The following LIPA variants were observed in gnomAD, a reference collection of about 807,000 sequenced individuals.
LIPA encodes the protein lysosomal acid lipase/cholesteryl ester hydrolase.
In LIPA, 26 loss-of-function variants were observed where a neutral mutation model predicts 40.6. The ratio of observed to expected loss-of-function variants is 0.64; its 90% CI spans 0.47 to 0.89. LIPA has a LOEUF of 0.89. Ranked by LOEUF, LIPA falls within the 40% of genes least tolerant of loss-of-function variation. The pLI is 0.00. For missense variants in LIPA, 455 were observed against 479.6 expected (o/e 0.95, Z 0.48); for synonymous variants, 188 against 168.4 (o/e 1.12, Z -0.90).
chr10:89,318,163 G>A (rs878931086), intron 1 of LIPA, among the ~76,000 whole-genome samples: 2 of 152,156 alleles, frequency 1.3e-5, no homozygotes, highest in Admixed American at 6.5e-5. Flanking sequence ...ATCAGCTAAC[G>A]AGCAAAATAA....
chr10:89,402,241 T>C (rs1844436536), intron 2 of LIPA: 12 of 1,347,184 alleles, frequency 8.9e-6, no homozygotes, highest in Non-Finnish European at 1.1e-5. Context: ...CTTTTAGCTG[T>C]TCCTCACCTA....
At chr10:89,300,785 G>A (rs1370116931) in intron 1 of LIPA, among the ~76,000 whole-genome samples, 3 of 152,090 alleles carry the variant, frequency 2.0e-5, no homozygotes, top group Admixed American at 6.6e-5. Context: ...TCAGGAGTTC[G>A]AGACCAGCCT....
At chr10:89,321,074 G>A (rs552096154) in intron 1 of LIPA, among the ~76,000 whole-genome samples, 5,582 of 151,410 alleles carry the variant, frequency 0.037, 274 homozygotes, top group African/African-American at 0.13. Flanking sequence ...AATTCAAGAT[G>A]GATTAAAGAT....
At chr10:89,236,266 A>G (rs1230351512) in intron 3 of LIPA, among the ~76,000 whole-genome samples, 1 of 152,254 alleles carries the variant, frequency 6.6e-6, no homozygotes, top group African/African-American at 2.4e-5. Context: ...ATTAAATCAT[A>G]ACTGCATAAA....
intron 1 of LIPA, among the ~76,000 whole-genome samples, chr10:89,334,478 C>CTTTT (rs578154457): frequency 1.0e-3 from 26 of 25,336 alleles, no homozygotes; most frequent in Admixed American, 1.7e-3. Context: ...TTCTTTTATT[C>CTTTT]TTTTTTTTTT....
intron 8 of LIPA, among the ~76,000 whole-genome samples, chr10:89,218,404 C>T (rs1842655301): frequency 6.6e-6 from 1 of 152,156 alleles, no homozygotes; most frequent in Non-Finnish European, 1.5e-5. Context: ...TATTTTAAAA[C>T]TTTAGTTACT....
chr10:89,305,617 C>T (rs892327732), intron 1 of LIPA, among the ~76,000 whole-genome samples: 4 of 152,144 alleles, frequency 2.6e-5, no homozygotes, highest in African/African-American at 9.7e-5. Flanking sequence ...AGACTTACTT[C>T]TTTAAAACTA....
chr10:89,231,716 G>T (rs1842844949), intron 3 of LIPA, among the ~76,000 whole-genome samples: 1 of 152,220 alleles, frequency 6.6e-6, no homozygotes, highest in South Asian at 2.1e-4. Context: ...GGCCTCAAGT[G>T]ATTCTCTCGC....
chr10:89,310,479 A>C (rs1438339244), intron 1 of LIPA, among the ~76,000 whole-genome samples: 1 of 152,200 alleles, frequency 6.6e-6, no homozygotes, highest in Non-Finnish European at 1.5e-5. Context: ...TGCAGTTTGC[A>C]ACCTACATTT....
upstream of LIPA, among the ~76,000 whole-genome samples, chr10:89,256,768 A>T (rs1388539915): frequency 6.6e-6 from 1 of 152,234 alleles, no homozygotes; most frequent in East Asian, 1.9e-4. Context: ...AGGCAAACTA[A>T]ATCCAGGTTG....
At chr10:89,236,653 T>C (rs1842908187) in intron 3 of LIPA, among the ~76,000 whole-genome samples, 1 of 152,066 alleles carries the variant, frequency 6.6e-6, no homozygotes, top group Non-Finnish European at 1.5e-5. Context: ...TAAAGATGAC[T>C]GTTAAAAAAA....
At chr10:89,297,103 C>A (rs370960921) in intron 1 of LIPA, among the ~76,000 whole-genome samples, 3 of 152,120 alleles carry the variant, frequency 2.0e-5, no homozygotes, top group Non-Finnish European at 4.4e-5. Flanking sequence ...GGGAAACACC[C>A]AAGGCGCAGA....
At chr10:89,338,970 T>C in intron 1 of LIPA, 2 of 1,614,146 alleles carry the variant, frequency 1.2e-6, no homozygotes, top group South Asian at 1.1e-5. Context: ...GGGTCTACTA[T>C]CACTTGGGCA....
chr10:89,332,028 C>G (rs1478511673), intron 1 of LIPA, among the ~76,000 whole-genome samples: 2 of 151,838 alleles, frequency 1.3e-5, no homozygotes, highest in Non-Finnish European at 2.9e-5. Context: ...GTCAGGAGTT[C>G]GAGAACAGCC....
intron 8 of LIPA, among the ~76,000 whole-genome samples, chr10:89,222,080 G>A (rs183618936): frequency 7.4e-4 from 113 of 152,228 alleles, no homozygotes; most frequent in African/African-American, 2.7e-3. Context: ...TGTGATCAGG[G>A]GTTAGTGTTG....
At chr10:89,376,798 C>A (rs1344973854) in intron 2 of LIPA, among the ~76,000 whole-genome samples, 2 of 152,218 alleles carry the variant, frequency 1.3e-5, no homozygotes, top group Non-Finnish European at 2.9e-5. Flanking sequence ...ATTATAGAAT[C>A]ATTTCTGCTT....
chr10:89,392,466 T>TCCCCCCCC lies in LIPA; in HGVS notation c.61+20324_61+20325insGGGGGGGG, dbSNP rs759696601. The TCCCCCCCC allele has an allele frequency of 3.6e-4, 104 of 287,676 alleles. 3 individuals are homozygous for TCCCCCCCC. Among genetic ancestry groups the TCCCCCCCC allele is most frequent in the African/African-American group, 1.3e-3 (37 of 28,184 alleles). The allele number at this position is 287,676 out of a possible 1,614,324, so 17.8% of individuals were successfully genotyped here. ...TTTTAAAATAGAAACAAAGTTTCATTCCCCACCCCCCCCCGTCAGCAGGAA... is the reference window on the plus strand; with the variant it reads ...TTTTAAAATAGAAACAAAGTTTCATTCCCCCCCCCCCCACCCCCCCCCGTCAGCAGGAA... On this transcript the variant is annotated intron_variant, in intron 2 of 8. Transcript: ENST00000371837.
intron 2 of LIPA, among the ~76,000 whole-genome samples, chr10:89,396,636 C>A (rs1232612838): frequency 1.3e-5 from 2 of 152,214 alleles, no homozygotes; most frequent in Admixed American, 6.5e-5. Context: ...TCCCACTAGA[C>A]CCTACCTCCA....
chr10:89,331,585 C>T (rs879523436), intron 1 of LIPA, among the ~76,000 whole-genome samples: 2 of 152,070 alleles, frequency 1.3e-5, no homozygotes, highest in Non-Finnish European at 2.9e-5. Context: ...CATGGCTGGC[C>T]GCAGTGGCTC....
Sources: allele counts gnomAD v4.1 joint callset (sites outside exome capture counted in the v4.1 genomes callset), GRCh38; gene constraint gnomAD v4.1.1; transcripts MANE v1.5; gene names NCBI Gene and HGNC (gene_info 2026-07-23, HGNC 2026-07-21).